Variants in KIRREL3 observed in about 807,000 individuals in gnomAD.
The protein encoded by KIRREL3 is kin of IRRE-like protein 3.
A neutral mutation model predicts 89.7 loss-of-function variants in KIRREL3; 36 were observed. The observed-to-expected ratio is 0.40, with a 90% CI of 0.31 to 0.53. The LOEUF is 0.53. Ranked by LOEUF, KIRREL3 falls within the 20% of genes least tolerant of loss-of-function variation. The probability of loss-of-function intolerance (pLI) is 0.49; values close to 1 mark genes in which losing one functional copy is unlikely to be tolerated. For missense variants in KIRREL3, 864 were observed against 1,056.6 expected (o/e 0.82, Z 2.53); for synonymous variants, 445 against 441.4 (o/e 1.01, Z -0.10).
chr11:126,726,931 C>T (rs562965147), intron 1 of KIRREL3, among the ~76,000 whole-genome samples: 1 of 152,344 alleles, frequency 6.6e-6, no homozygotes, highest in Admixed American at 6.5e-5. Flanking sequence ...ACGGTTCTAC[C>T]TCTCACTCAC....
At chr11:126,625,840 T>C (rs569064070) in intron 1 of KIRREL3, among the ~76,000 whole-genome samples, 1 of 152,306 alleles carries the variant, frequency 6.6e-6, no homozygotes, top group Middle Eastern at 3.4e-3. Flanking sequence ...GAGTTATGAG[T>C]GGTCCTTTCT....
At chr11:126,958,169 G>A (rs1238535123) in intron 1 of KIRREL3, among the ~76,000 whole-genome samples, 8 of 152,186 alleles carry the variant, frequency 5.3e-5, no homozygotes, top group Non-Finnish European at 1.0e-4. Context: ...TCTAGTAGTT[G>A]CAGTTTAAAA....
Position 126,710,211 on chromosome 11 carries a change from A to T in KIRREL3, c.56-147299T>A, listed in dbSNP as rs1167381015. On this transcript the variant is annotated intron_variant, in intron 1 of 16. Coordinates refer to ENST00000525144, the MANE Select transcript of KIRREL3 (RefSeq NM_032531.4). This position sits in a 1 kb window ranked among gnomAD's most constrained non-coding sequence, Gnocchi z 4.2. ...GACCCCAGATCTGTCCACAGGCAGC[A>T]GGGCCCTGACCAACAGGTGGCTTCT... Among the ~76,000 whole-genome samples the T allele has an allele frequency of 6.6e-6, 1 of 152,144 alleles. No homozygotes were observed. Among genetic ancestry groups the T allele is most frequent in the Non-Finnish European group, 1.5e-5 (1 of 68,026 alleles).
rs1341028919 is a variant in KIRREL3, at chr11:126,970,435, C to G, written c.55+30020G>C. Among the ~76,000 whole-genome samples, 1 of 152,054 alleles carries G rather than the reference C, an allele frequency of 6.6e-6. No individual in the cohort carries two copies. The highest frequency in any genetic ancestry group is 1.5e-5 in the Non-Finnish European group (1 of 67,994). ...TAGTTGTGCCAATAAACAGAAGACC[C>G]TAGGTGTGTAGCGACATTAGACAAA... On this transcript the variant is annotated intron_variant, in intron 1 of 16. Coordinates refer to ENST00000525144, the MANE Select transcript of KIRREL3 (RefSeq NM_032531.4). This position sits in a 1 kb window ranked among gnomAD's most constrained non-coding sequence, Gnocchi z 4.4.
chr11:126,899,872 A>G (rs1334074202), intron 1 of KIRREL3, among the ~76,000 whole-genome samples: 1 of 152,210 alleles, frequency 6.6e-6, no homozygotes, highest in Non-Finnish European at 1.5e-5. Context: ...AGTTTTTAGA[A>G]CAGAAAAAAG....
chr11:126,925,100 G>T (rs201256471), intron 1 of KIRREL3, among the ~76,000 whole-genome samples: 1 of 9,088 alleles, frequency 1.1e-4, no homozygotes, highest in Non-Finnish European at 2.0e-4. Flanking sequence ...AAAAGGTCGG[G>T]GGGGGGGGGG....
chr11:126,790,257 T>A (rs577500802), intron 1 of KIRREL3, among the ~76,000 whole-genome samples: 2 of 152,330 alleles, frequency 1.3e-5, no homozygotes, highest in East Asian at 3.9e-4. Context: ...CATTGACTGA[T>A]TAGACGGACT....
chr11:126,654,795 T>A (rs902648427), intron 1 of KIRREL3, among the ~76,000 whole-genome samples: 1 of 148,444 alleles, frequency 6.7e-6, no homozygotes, highest in Non-Finnish European at 1.5e-5. Flanking sequence ...ACCATTATTT[T>A]TTTTTATTTT....
chr11:126,957,454 T>G (rs1654946163), intron 1 of KIRREL3, among the ~76,000 whole-genome samples: 1 of 152,226 alleles, frequency 6.6e-6, no homozygotes, highest in African/African-American at 2.4e-5. Context: ...ATTTAATTTT[T>G]TATTGCAAAA....
At chr11:126,928,184 C>T (rs557616006) in intron 1 of KIRREL3, among the ~76,000 whole-genome samples, 4 of 152,278 alleles carry the variant, frequency 2.6e-5, no homozygotes, top group South Asian at 2.1e-4. Context: ...GCTTCACTGG[C>T]CTTGAGGATG....
rs1329777986 is a variant in KIRREL3, at chr11:126,537,984, C to T, written c.134-11297G>A. Among the ~76,000 whole-genome samples the T allele has an allele frequency of 1.3e-5, 2 of 151,414 alleles. No individual in the cohort carries two copies. Among genetic ancestry groups the T allele is most frequent in the Admixed American group, 6.6e-5 (1 of 15,188 alleles). On this transcript the variant is annotated intron_variant, in intron 2 of 16. Transcript: ENST00000525144. The surrounding 1 kb of genome is among the most constrained non-coding windows in gnomAD (Gnocchi z 4.3). ...GTGGTGCAGGAGACAGTGGGTGAGCCCTCCCATTGGCTCTGCCTCTTTCTT... is the reference window on the plus strand; with the variant it reads ...GTGGTGCAGGAGACAGTGGGTGAGCTCTCCCATTGGCTCTGCCTCTTTCTT...
At chr11:126,448,884 C>G in intron 8 of KIRREL3, 125 bp downstream of exon 8, 3 of 997,266 alleles carry the variant, frequency 3.0e-6, no homozygotes, top group Non-Finnish European at 4.1e-6. Flanking sequence ...GAGTGCAAAC[C>G]ATCCTACGCT....
chr11:126,738,455 T>C (rs995543251), intron 1 of KIRREL3, among the ~76,000 whole-genome samples: 3 of 152,192 alleles, frequency 2.0e-5, no homozygotes, highest in Non-Finnish European at 2.9e-5. Context: ...GAGTCCTCAG[T>C]GCCAAAGGCA....
At position 127,000,303 on chromosome 11, in the gene KIRREL3, G is replaced by A. The variant is rs766016648; in HGVS notation, c.55+152C>T. Among the ~76,000 whole-genome samples, 4 of 152,240 alleles carry A rather than the reference G, an allele frequency of 2.6e-5. No homozygotes were observed. The highest frequency in any genetic ancestry group is 5.9e-5 in the Non-Finnish European group (4 of 68,026). On this transcript the variant is annotated intron_variant, in intron 1 of 16. Coordinates refer to ENST00000525144, the MANE Select transcript of KIRREL3 (RefSeq NM_032531.4). This position sits in a 1 kb window ranked among gnomAD's most constrained non-coding sequence, Gnocchi z 7.1. ...ACCATTTTGTTGCATTCGCAAAGGC[G>A]AAGAGGCAATGCCAGAGCATCTCAG...
rs979271616 is a variant in KIRREL3, at chr11:126,977,895, G to A, written c.55+22560C>T. On this transcript the variant is annotated intron_variant, in intron 1 of 16. Transcript: ENST00000525144. The surrounding 1 kb of genome is among the most constrained non-coding windows in gnomAD (Gnocchi z 4.7). ...GGTTGATATTTTGGATCAGGAAAGAGCATCAATTTCCTGTGTACCACACAG... is the reference window on the plus strand; with the variant it reads ...GGTTGATATTTTGGATCAGGAAAGAACATCAATTTCCTGTGTACCACACAG... Among the ~76,000 whole-genome samples, 8 of 152,298 alleles carry A rather than the reference G, an allele frequency of 5.3e-5. No homozygotes were observed. In the East Asian group the frequency reaches 5.8e-4, roughly 11 times the overall value.
rs1248044169 is a variant in KIRREL3, at chr11:126,921,999, CT to C, written c.55+78455del. 2.2e-4 allele frequency among the ~76,000 whole-genome samples: 32 copies of C among 144,946 alleles called. No homozygotes were observed. In the East Asian group the frequency reaches 2.5e-3, roughly 11 times the overall value. On this transcript the variant is annotated intron_variant, in intron 1 of 16. Coordinates refer to ENST00000525144, the MANE Select transcript of KIRREL3 (RefSeq NM_032531.4). ...TCTATCTATCTATCTATCTATCTAT[CT>C]ATCTATCATCTATCTTCCTATCTAT...
At position 126,553,581 on chromosome 11, in the gene KIRREL3, T is replaced by A. The variant is rs12273564; in HGVS notation, c.133+9254A>T. Among the ~76,000 whole-genome samples, 19,762 of 152,236 alleles carry A rather than the reference T, an allele frequency of 0.13. 3,890 individuals are homozygous for A. Among genetic ancestry groups the A allele is most frequent in the African/African-American group, 0.42 (17,615 of 41,498 alleles). ...TATCTACCCATTTCATGAGCCCAGG[T>A]GGCCACCTCAAGGGAGCAGCTGGGG... is the stretch of plus-strand genomic sequence containing the variant. On this transcript the variant is annotated intron_variant, in intron 2 of 16. Coordinates refer to ENST00000525144, the MANE Select transcript of KIRREL3 (RefSeq NM_032531.4). The surrounding 1 kb of genome is among the most constrained non-coding windows in gnomAD (Gnocchi z 4.7).
At chr11:126,509,899 A>C (rs997267049) in intron 4 of KIRREL3, among the ~76,000 whole-genome samples, 6 of 147,442 alleles carry the variant, frequency 4.1e-5, no homozygotes, top group East Asian at 4.4e-4. Context: ...TCGCAGGAGA[A>C]TCACTTGAAC....
intron 2 of KIRREL3, among the ~76,000 whole-genome samples, chr11:126,532,008 T>G (rs1958958861): frequency 6.6e-6 from 1 of 152,150 alleles, no homozygotes; most frequent in Non-Finnish European, 1.5e-5. Flanking sequence ...AGGTGAGAAA[T>G]CACAGGGTGG....
Sources: allele counts gnomAD v4.1 joint callset (sites outside exome capture counted in the v4.1 genomes callset), GRCh38; gene constraint gnomAD v4.1.1; non-coding constraint Gnocchi (gnomAD v3.1); transcripts MANE v1.5; gene names NCBI Gene and HGNC (gene_info 2026-07-23, HGNC 2026-07-21).